DYM: variants seen among roughly 807,000 people sequenced by gnomAD.
The protein encoded by DYM is dyggve-Melchior-Clausen syndrome protein.
A neutral mutation model predicts 93.1 loss-of-function variants in DYM; 78 were observed. That is an observed-to-expected ratio of 0.84 (90% CI 0.70 to 1.01). The LOEUF is 1.01. DYM is among the 50% of genes least tolerant of loss of function. The pLI is 0.00. For missense variants in DYM, 789 were observed against 845.0 expected, an observed-to-expected ratio of 0.93 and a Z score of 0.82; for synonymous variants, 321 against 319.7, an observed-to-expected ratio of 1.00 and a Z score of -0.04.
At chr18:49,088,425 G>A (rs2078748325) in intron 17 of DYM, among the ~76,000 whole-genome samples, 1 of 151,968 alleles carries the variant, frequency 6.6e-6, no homozygotes, top group African/African-American at 2.4e-5. Context: ...GTAGGGGGAG[G>A]GGGAAGGGAT....
At chr18:49,267,323 GT>G (rs2094587072) in intron 11 of DYM, among the ~76,000 whole-genome samples, 1 of 151,960 alleles carries the variant, frequency 6.6e-6, no homozygotes, top group South Asian at 2.1e-4. Flanking sequence ...CAACCATACT[GT>G]ATATGAAAAT....
intron 13 of DYM, among the ~76,000 whole-genome samples, chr18:49,218,234 G>A (rs574628084): frequency 6.6e-6 from 1 of 152,246 alleles, no homozygotes; most frequent in African/African-American, 2.4e-5. Context: ...ACCCAATACA[G>A]GAGCACCCAG....
In DYM at chr18:49,209,534, C is replaced by A; in HGVS notation, c.1625+17G>T. The stretch of plus-strand genomic sequence containing the variant: ...CAACATGCAGCATGCAGTAAATGGA[C>A]AGCAGAGGTTAATAACCTGGAAGCA... On this transcript the variant is annotated intron_variant, in intron 14 of 17. Coordinates refer to ENST00000675505, the MANE Select transcript of DYM (RefSeq NM_001353214.3). 1 of 1,286,022 alleles carries A rather than the reference C, an allele frequency of 7.8e-7. No individual in the cohort carries two copies. Among genetic ancestry groups the A allele is most frequent in the South Asian group, 1.2e-5 (1 of 80,472 alleles). 79.7% of individuals were successfully genotyped at this position (1,286,022 alleles called of 1,614,324 possible). A position where few individuals can be genotyped will look rare whatever the true frequency, so the allele number is the denominator to read the frequency against.
At chr18:49,357,499 A>T (rs1337508893) in intron 6 of DYM, among the ~76,000 whole-genome samples, 2 of 152,140 alleles carry the variant, frequency 1.3e-5, no homozygotes. Flanking sequence ...GCCCCTTTCT[A>T]CTACCAATGT....
At chr18:49,364,050 C>T (rs1344124903) in intron 5 of DYM, among the ~76,000 whole-genome samples, 3 of 152,310 alleles carry the variant, frequency 2.0e-5, no homozygotes, top group South Asian at 2.1e-4. Flanking sequence ...CCTCAAAATA[C>T]GTTTCAACTA....
chr18:49,397,743 C>A (rs969322022), intron 2 of DYM, among the ~76,000 whole-genome samples: 2 of 152,126 alleles, frequency 1.3e-5, no homozygotes, highest in Non-Finnish European at 2.9e-5. Flanking sequence ...CTGAAATGGT[C>A]CAAACTGAGA....
chr18:49,214,215 T>C (rs1186784003), intron 13 of DYM, among the ~76,000 whole-genome samples: 4 of 152,212 alleles, frequency 2.6e-5, no homozygotes, highest in South Asian at 2.1e-4. Context: ...TGAGTGGCAG[T>C]TGAATGAGCA....
intron 1 of DYM, among the ~76,000 whole-genome samples, chr18:49,449,496 A>G (rs188214317): frequency 7.8e-4 from 119 of 152,320 alleles, no homozygotes; most frequent in Non-Finnish European, 1.5e-3. Flanking sequence ...AATGGTTCCT[A>G]TCTCTTCCTG....
At chr18:49,289,750 T>TACAC (rs2059947318) in intron 8 of DYM, among the ~76,000 whole-genome samples, 1 of 41,560 alleles carries the variant, frequency 2.4e-5, no homozygotes, top group Non-Finnish European at 4.5e-5. Flanking sequence ...TATATATATA[T>TACAC]ATATATATAT....
intron 2 of DYM, among the ~76,000 whole-genome samples, chr18:49,392,681 T>TAAAAAAAAAAA (rs869086187): frequency 8.8e-5 from 6 of 68,502 alleles, no homozygotes; most frequent in African/African-American, 4.0e-4. Flanking sequence ...GGCTTTTATT[T>TAAAAAAAAAAA]AAAAAAAAAA....
At chr18:49,176,678 G>A (rs527328458) in intron 14 of DYM, among the ~76,000 whole-genome samples, 10 of 148,196 alleles carry the variant, frequency 6.7e-5, no homozygotes, top group African/African-American at 2.2e-4. Flanking sequence ...GCCTCCCAAA[G>A]TGCTGGGATT....
intron 13 of DYM, among the ~76,000 whole-genome samples, chr18:49,244,676 G>A (rs2144795459): frequency 6.6e-6 from 1 of 152,228 alleles, no homozygotes; most frequent in Admixed American, 6.5e-5. Flanking sequence ...GATCCAGTAT[G>A]TGTGTGACGG....
At chr18:49,253,557 G>A (rs539959476) in intron 13 of DYM, among the ~76,000 whole-genome samples, 5 of 152,278 alleles carry the variant, frequency 3.3e-5, no homozygotes, top group African/African-American at 1.2e-4. Flanking sequence ...TTAGAAAGAA[G>A]ACTCTGATCC....
intron 2 of DYM, among the ~76,000 whole-genome samples, chr18:49,409,095 C>G (rs1192486023): frequency 6.6e-6 from 1 of 151,902 alleles, no homozygotes; most frequent in Admixed American, 6.6e-5. Context: ...GACCAGCCTG[C>G]CAACATAGCG....
At chr18:49,335,197 ATTACG>A (rs1443401188) in intron 6 of DYM, among the ~76,000 whole-genome samples, 1 of 152,244 alleles carries the variant, frequency 6.6e-6, no homozygotes, top group Non-Finnish European at 1.5e-5. Context: ...AATTAGCCTT[ATTACG>A]TGGTTGAATA....
chr18:49,286,429 C>G lies in DYM; in HGVS notation c.946+5G>C. 1 of 1,614,066 alleles carries G rather than the reference C, an allele frequency of 6.2e-7. No homozygotes were observed. Among genetic ancestry groups the G allele is most frequent in the Non-Finnish European group, 8.5e-7 (1 of 1,179,946 alleles). ...AAAGAATATTAGAGAAAAAATACCACAAACCTTGTGTGTTCTTGAAGGACA... is the reference window on the plus strand; with the variant it reads ...AAAGAATATTAGAGAAAAAATACCAGAAACCTTGTGTGTTCTTGAAGGACA... On this transcript the variant is annotated splice_donor_5th_base_variant and intron_variant, in intron 9 of 17. Coordinates refer to ENST00000675505, the MANE Select transcript of DYM (RefSeq NM_001353214.3).
At chr18:49,178,367 C>A (rs1040082654) in intron 14 of DYM, among the ~76,000 whole-genome samples, 1 of 152,076 alleles carries the variant, frequency 6.6e-6, no homozygotes, top group Non-Finnish European at 1.5e-5. Context: ...TCAGTACATG[C>A]TCAAATCAAC....
chr18:49,390,527 A>C (rs1263913350), intron 3 of DYM, among the ~76,000 whole-genome samples: 1 of 151,462 alleles, frequency 6.6e-6, no homozygotes, highest in Non-Finnish European at 1.5e-5. Flanking sequence ...ATGTTTTTTG[A>C]GACAGAGTCT....
intron 14 of DYM, among the ~76,000 whole-genome samples, chr18:49,196,703 G>T (rs113779376): frequency 0.029 from 4,454 of 152,288 alleles, 213 homozygotes; most frequent in African/African-American, 0.1. Flanking sequence ...TCCTGGAAGA[G>T]AAAGCACAAT....
Sources: allele counts gnomAD v4.1 joint callset (sites outside exome capture counted in the v4.1 genomes callset), GRCh38; gene constraint gnomAD v4.1.1; transcripts MANE v1.5; gene names NCBI Gene and HGNC (gene_info 2026-07-23, HGNC 2026-07-21).